The following THUMPD2 variants were observed in gnomAD, a reference collection of about 807,000 sequenced individuals.
THUMPD2 encodes THUMP domain 2 tRNA and snRNA guanosine methyltransferase.
A neutral mutation model predicts 49.4 loss-of-function variants in THUMPD2; 56 were observed. That is an observed-to-expected ratio of 1.13 (90% CI 0.91 to 1.41). THUMPD2 has a LOEUF of 1.41. THUMPD2 is among the 40% of genes most tolerant of loss of function. The probability of loss-of-function intolerance (pLI) is 0.00; values close to 1 mark genes in which losing one functional copy is unlikely to be tolerated. For synonymous variants in THUMPD2, 237 were observed against 205.2 expected, an observed-to-expected ratio of 1.15 and a Z score of -1.32; for missense variants, 709 against 594.5, an observed-to-expected ratio of 1.19 and a Z score of -2.00.
intron 8 of THUMPD2, among the ~76,000 whole-genome samples, chr2:39,745,588 T>C (rs1447448839): frequency 6.6e-6 from 1 of 152,166 alleles, no homozygotes; most frequent in Non-Finnish European, 1.5e-5. Flanking sequence ...AAGCATGTAG[T>C]AATTTACTTT....
At chr2:39,768,971 T>C (rs1677918182) in intron 3 of THUMPD2, 2 of 1,304,514 alleles carry the variant, frequency 1.5e-6, no homozygotes, top group African/African-American at 1.5e-5. Flanking sequence ...CACTGAACTT[T>C]GTAAGGGCCA....
intron 3 of THUMPD2, chr2:39,769,495 A>G: frequency 2.4e-6 from 1 of 421,398 alleles, no homozygotes; most frequent in Non-Finnish European, 4.0e-6. Flanking sequence ...TGAGGTCAGG[A>G]GTTCCAGACC....
intron 8 of THUMPD2, among the ~76,000 whole-genome samples, chr2:39,753,436 T>G (rs372545853): frequency 2.0e-5 from 3 of 152,144 alleles, no homozygotes; most frequent in African/African-American, 7.2e-5. Context: ...TCAGTCCCCT[T>G]TCCCTTCTCT....
chr2:39,745,112 CAT>C (rs1467192335), intron 8 of THUMPD2, among the ~76,000 whole-genome samples: 1 of 152,178 alleles, frequency 6.6e-6, no homozygotes, highest in Non-Finnish European at 1.5e-5. Context: ...CTAACATCCA[CAT>C]CTTCTAGATG....
chr2:39,747,913 C>T (rs926929044), intron 8 of THUMPD2, among the ~76,000 whole-genome samples: 1 of 152,106 alleles, frequency 6.6e-6, no homozygotes, highest in African/African-American at 2.4e-5. Flanking sequence ...CATTCCATTC[C>T]ATTCTAGACT....
chr2:39,747,485 A>G (rs772104255), intron 8 of THUMPD2, among the ~76,000 whole-genome samples: 2 of 152,324 alleles, frequency 1.3e-5, no homozygotes, highest in African/African-American at 2.4e-5. Context: ...CATACAGTTT[A>G]TAGTCCAAAT....
chr2:39,736,103 T>C lies in THUMPD2; in HGVS notation c.*632A>G, dbSNP rs962423042. 2 of 152,198 alleles carry C rather than the reference T, an allele frequency of 1.3e-5. No homozygotes were observed. The highest frequency in any genetic ancestry group is 2.9e-5 in the Non-Finnish European group (2 of 68,036). The allele number at this position is 152,198 out of a possible 1,614,324, so 9.4% of individuals were successfully genotyped here. On this transcript the variant is annotated 3_prime_UTR_variant, in exon 10 of 10. Coordinates refer to ENST00000505747, the MANE Select transcript of THUMPD2 (RefSeq NM_025264.5). ...GTTTCTTTTTCTCAGGTAGTGAACA[T>C]AAGCAACAAACTGACTTTCTATATA...
At chr2:39,737,427 G>A (rs532290624) in intron 9 of THUMPD2, among the ~76,000 whole-genome samples, 2 of 152,160 alleles carry the variant, frequency 1.3e-5, no homozygotes, top group African/African-American at 2.4e-5. Flanking sequence ...GTTAGGACAC[G>A]AACAAAGAAA....
At chr2:39,761,562 G>T (rs564487267) in intron 5 of THUMPD2, 144 bp from the exon 6 acceptor site, 3 of 760,092 alleles carry the variant, frequency 3.9e-6, no homozygotes, top group East Asian at 2.7e-5. Context: ...CAATGTTTCA[G>T]TCTTATTACA....
At position 39,755,288 on chromosome 2, in the gene THUMPD2, A is replaced by G. The variant is rs72938110; in HGVS notation, c.1078+7T>C. 7,096 of 1,502,536 alleles carry G rather than the reference A, an allele frequency of 4.7e-3. 274 individuals carry two copies. The African/African-American group carries it at 0.091, about 19-fold the overall frequency. 93.1% of individuals were successfully genotyped at this position (1,502,536 alleles called of 1,614,324 possible). A position where few individuals can be genotyped will look rare whatever the true frequency, so the allele number is the denominator to read the frequency against. ...TTCTCAATTGTTTTGCATTTTTAGTATCTTACCTATAACAGAGATTTTAAG... is the reference window on the plus strand; with the variant it reads ...TTCTCAATTGTTTTGCATTTTTAGTGTCTTACCTATAACAGAGATTTTAAG... On this transcript the variant is annotated splice_region_variant and intron_variant, in intron 8 of 9. Coordinates refer to ENST00000505747, the MANE Select transcript of THUMPD2 (RefSeq NM_025264.5).
At chr2:39,743,065 G>A (rs1674112736) in intron 9 of THUMPD2, among the ~76,000 whole-genome samples, 1 of 152,196 alleles carries the variant, frequency 6.6e-6, no homozygotes, top group African/African-American at 2.4e-5. Context: ...AAAATGCAGT[G>A]AGATGACTTT....
At position 39,779,208 on chromosome 2, in the gene THUMPD2, C is replaced by A; in HGVS notation, c.32G>T (p.Gly11Val). 2 of 1,510,568 alleles carry A rather than the reference C, an allele frequency of 1.3e-6. No homozygotes were observed. Among genetic ancestry groups the A allele is most frequent in the Non-Finnish European group, 8.8e-7 (1 of 1,135,350 alleles). The allele number at this position is 1,510,568 out of a possible 1,614,324, so 93.6% of individuals were successfully genotyped here. Residue 11 changes from glycine to valine, a missense_variant, in exon 1 of 10, where the codon GGG becomes GTG. Coordinates refer to ENST00000505747, the MANE Select transcript of THUMPD2 (RefSeq NM_025264.5). Reference protein sequence around the residue: MSEARGEPGSGPEAGARFFCT... With the variant: MSEARGEPGSVPEAGARFFCT... The stretch of plus-strand genomic sequence containing the variant: ...GAAGAATCGGGCGCCAGCCTCAGGC[C>A]CGGACCCTGGCTCTCCACGCGCCTC...
chr2:39,771,608 G>A lies in THUMPD2; in HGVS notation c.159C>T (p.Thr53=). Residue 53 remains threonine (T), a synonymous_variant, in exon 2 of 10, where the codon ACC becomes ACT. Transcript: ENST00000505747. The part of the protein sequence containing the change: ...VEYISGKVFF[T]TCSDLNMLKK... ...TCAACATATTCAAATCAGAACAGGT[G>A]GTGAAAAAAACCTTTCCTGAAATAT... 1.2e-6 allele frequency: 2 copies of A among 1,602,776 alleles called. No homozygotes were observed. Among genetic ancestry groups the A allele is most frequent in the East Asian group, 2.2e-5 (1 of 44,452 alleles).
chr2:39,768,811 A>G, intron 3 of THUMPD2: 1 of 1,000,146 alleles, frequency 1.0e-6, no homozygotes, highest in Non-Finnish European at 1.4e-6. Context: ...TCTGGGTTTC[A>G]GGAAATAGAT....
chr2:39,743,775 G>A (rs994000596), intron 9 of THUMPD2, among the ~76,000 whole-genome samples: 3 of 152,166 alleles, frequency 2.0e-5, no homozygotes, highest in Admixed American at 6.5e-5. Flanking sequence ...CTGGCACTGT[G>A]CTTCTTTTAC....
intron 3 of THUMPD2, 56 bp downstream of exon 3, chr2:39,769,654 T>C (rs539807250): frequency 3.8e-5 from 55 of 1,451,088 alleles, no homozygotes; most frequent in South Asian, 1.9e-4. Context: ...GTGAGCCAGA[T>C]TGTGCAACTG....
At chr2:39,778,182 G>C (rs747293201) in intron 1 of THUMPD2, among the ~76,000 whole-genome samples, 85 of 152,332 alleles carry the variant, frequency 5.6e-4, no homozygotes, top group Admixed American at 4.2e-3. Flanking sequence ...ATAGGGTAAA[G>C]ATCTAAGAAC....
intron 4 of THUMPD2, among the ~76,000 whole-genome samples, chr2:39,767,852 GAATT>G (rs1677762213): frequency 6.6e-6 from 1 of 151,972 alleles, no homozygotes; most frequent in African/African-American, 2.4e-5. Context: ...ATAAATTTAT[GAATT>G]AATGAATCAT....
At chr2:39,769,612 G>C in intron 3 of THUMPD2, 98 bp downstream of exon 3, 1 of 1,272,910 alleles carries the variant, frequency 7.9e-7, no homozygotes, top group African/African-American at 1.5e-5. Context: ...TGAGGCAAAA[G>C]AATCACCTGA....
Sources: gnomAD v4.1 joint callset for allele counts (sites outside exome capture counted in the v4.1 genomes callset) on GRCh38, gnomAD v4.1.1 for gene constraint, MANE v1.5 for transcripts, NCBI Gene and HGNC (gene_info 2026-07-23, HGNC 2026-07-21) for gene names.